Variants in FSTL4 observed in about 807,000 individuals in gnomAD.
FSTL4 encodes follistatin-related protein 4.
In FSTL4, 28 loss-of-function variants were observed where a neutral mutation model predicts 78.2. The ratio of observed to expected loss-of-function variants is 0.36; its 90% CI spans 0.27 to 0.49. The LOEUF is 0.49. Among genes scored for constraint, FSTL4 ranks in the 20% least tolerant of loss-of-function variants. FSTL4 has a pLI of 0.98. For synonymous variants in FSTL4, 422 were observed against 440.5 expected (o/e 0.96, Z 0.53); for missense variants, 922 against 1,084.9 (o/e 0.85, Z 2.11).
chr5:133,317,482 T>A (rs1255692895), intron 4 of FSTL4, among the ~76,000 whole-genome samples: 1 of 152,246 alleles, frequency 6.6e-6, no homozygotes, highest in Non-Finnish European at 1.5e-5. Context: ...CGCCTGGCTT[T>A]GCTGAATCCT....
the FSTL4 span, among the ~76,000 whole-genome samples, chr5:133,617,839 A>C: frequency 6.6e-6 from 1 of 152,184 alleles, no homozygotes; most frequent in Non-Finnish European, 1.5e-5. Context: ...ATACGATTAG[A>C]TGAGGGCGTG....
the FSTL4 span, among the ~76,000 whole-genome samples, chr5:133,749,876 T>A: frequency 1.3e-5 from 2 of 152,192 alleles, no homozygotes; most frequent in Non-Finnish European, 2.9e-5. Flanking sequence ...GGCAGAAATG[T>A]TTAAGCCAGG....
At chr5:133,549,480 A>G (rs1318590417) in intron 3 of FSTL4, among the ~76,000 whole-genome samples, 1 of 152,040 alleles carries the variant, frequency 6.6e-6, no homozygotes, top group Non-Finnish European at 1.5e-5. Flanking sequence ...CTCCCTTTTT[A>G]TTGCTTATAA....
At chr5:133,699,428 G>A in the FSTL4 span, among the ~76,000 whole-genome samples, 569 of 152,196 alleles carry the variant, frequency 3.7e-3, 4 homozygotes, top group Admixed American at 7.7e-3. Context: ...ACTACACACC[G>A]AGAACTGTGC....
intron 3 of FSTL4, among the ~76,000 whole-genome samples, chr5:133,558,088 C>T (rs1201677166): frequency 6.6e-6 from 1 of 152,186 alleles, no homozygotes; most frequent in East Asian, 1.9e-4. Flanking sequence ...ACCAGGTAGA[C>T]ATCTGTCTGC....
chr5:133,378,410 A>C (rs192030870), intron 4 of FSTL4, among the ~76,000 whole-genome samples: 76 of 152,346 alleles, frequency 5.0e-4, no homozygotes, highest in Non-Finnish European at 8.8e-4. Context: ...GAGTAAGGAA[A>C]TGATATCAAA....
At chr5:133,573,243 C>CA (rs67012663) in intron 2 of FSTL4, among the ~76,000 whole-genome samples, 23 of 145,726 alleles carry the variant, frequency 1.6e-4, no homozygotes, top group South Asian at 2.2e-4. Flanking sequence ...GGCTCTGTCT[C>CA]AAAAAAAAAC....
chr5:133,285,960 C>T (rs1753120148), intron 6 of FSTL4, among the ~76,000 whole-genome samples: 1 of 152,214 alleles, frequency 6.6e-6, no homozygotes, highest in Admixed American at 6.5e-5. Context: ...ATCGGTGGCC[C>T]CACCTGCCAG....
intron 14 of FSTL4, among the ~76,000 whole-genome samples, chr5:133,208,838 G>A (rs2126769432): frequency 6.6e-6 from 1 of 152,132 alleles, no homozygotes; most frequent in South Asian, 2.1e-4. Flanking sequence ...GTCTGGCTAA[G>A]TTTGGTATTT....
chr5:133,427,851 T>G (rs370852325), intron 3 of FSTL4: 1 of 368,474 alleles, frequency 2.7e-6, no homozygotes. Flanking sequence ...GTGTGAGGGT[T>G]TGGGTTTCTC....
chr5:133,476,932 AC>A (rs1271593169), intron 3 of FSTL4, among the ~76,000 whole-genome samples: 8 of 152,192 alleles, frequency 5.3e-5, no homozygotes, highest in Non-Finnish European at 1.2e-4. Flanking sequence ...TAAAGTTTAC[AC>A]CCATGACCTT....
intron 3 of FSTL4, among the ~76,000 whole-genome samples, chr5:133,451,924 CAA>C (rs1344692288): frequency 1.3e-5 from 2 of 152,222 alleles, no homozygotes; most frequent in Non-Finnish European, 2.9e-5. Context: ...TGGCCACAGC[CAA>C]AGAGAGAAGG....
chr5:133,432,425 C>A (rs1756959118), intron 3 of FSTL4, among the ~76,000 whole-genome samples: 1 of 152,220 alleles, frequency 6.6e-6, no homozygotes, highest in Non-Finnish European at 1.5e-5. Flanking sequence ...AATAGACATG[C>A]ACTGCACGAG....
At chr5:133,744,100 A>G in the FSTL4 span, among the ~76,000 whole-genome samples, 1 of 152,210 alleles carries the variant, frequency 6.6e-6, no homozygotes, top group Non-Finnish European at 1.5e-5. Flanking sequence ...GGACTTTTTT[A>G]TTCACTGAAC....
intron 3 of FSTL4, among the ~76,000 whole-genome samples, chr5:133,434,933 C>T (rs1309807837): frequency 6.6e-6 from 1 of 151,678 alleles, no homozygotes; most frequent in Non-Finnish European, 1.5e-5. Flanking sequence ...GTGTGTGTGC[C>T]CTCTGTTCAT....
the FSTL4 span, among the ~76,000 whole-genome samples, chr5:133,618,735 G>A: frequency 3.3e-5 from 5 of 152,204 alleles, no homozygotes; most frequent in Admixed American, 2.0e-4. Context: ...CTGGCAAATG[G>A]CAGAGCTAGG....
At chr5:133,619,126 G>A in the FSTL4 span, among the ~76,000 whole-genome samples, 1 of 152,152 alleles carries the variant, frequency 6.6e-6, no homozygotes, top group Non-Finnish European at 1.5e-5. Context: ...CTGAGGAGAG[G>A]TGAGAGAGTG....
intron 3 of FSTL4, among the ~76,000 whole-genome samples, chr5:133,479,428 A>G (rs1452812850): frequency 6.6e-6 from 1 of 152,268 alleles, no homozygotes. Context: ...AGAGGGTAAT[A>G]CAATAGCCAA....
At chr5:133,279,614 C>T (rs1336424881) in intron 6 of FSTL4, among the ~76,000 whole-genome samples, 5 of 152,122 alleles carry the variant, frequency 3.3e-5, no homozygotes, top group African/African-American at 4.8e-5. Flanking sequence ...GCCACAGGAT[C>T]GGAGTGGTCA....
Sources: gnomAD v4.1 joint callset for allele counts (sites outside exome capture counted in the v4.1 genomes callset) on GRCh38, gnomAD v4.1.1 for gene constraint, MANE v1.5 for transcripts, NCBI Gene and HGNC (gene_info 2026-07-23, HGNC 2026-07-21) for gene names.